Variants in VPS13B observed in about 807,000 individuals in gnomAD.
VPS13B encodes intermembrane lipid transfer protein VPS13B.
Under a neutral mutation model 426.4 loss-of-function variants are expected in VPS13B, and 285 were observed. That is an observed-to-expected ratio of 0.67 (90% CI 0.61 to 0.74). VPS13B has a LOEUF of 0.74. VPS13B is among the 30% of genes least tolerant of loss of function. The probability of loss-of-function intolerance (pLI) is 0.00; values close to 1 mark genes in which losing one functional copy is unlikely to be tolerated. For synonymous variants in VPS13B, 1,676 were observed against 1,676.4 expected, an observed-to-expected ratio of 1.00 and a Z score of 0.01; for missense variants, 4,537 against 4,782.6, an observed-to-expected ratio of 0.95 and a Z score of 1.51.
chr8:99,819,240 A>G (rs1814224914), intron 47 of VPS13B, among the ~76,000 whole-genome samples, 172 bp from the exon 48 acceptor site: 1 of 152,076 alleles, frequency 6.6e-6, no homozygotes, highest in African/African-American at 2.4e-5. Context: ...GGGGTGGGGG[A>G]AGAAAGAGGA....
At chr8:99,486,864 A>G (rs1475553580) in intron 25 of VPS13B, among the ~76,000 whole-genome samples, 4 of 152,094 alleles carry the variant, frequency 2.6e-5, no homozygotes, top group East Asian at 3.9e-4. Context: ...AAGTTTTGCT[A>G]TCGTATTAGA....
At chr8:99,212,970 T>C (rs533188798) in intron 17 of VPS13B, among the ~76,000 whole-genome samples, 1 of 152,310 alleles carries the variant, frequency 6.6e-6, no homozygotes, top group South Asian at 2.1e-4. Context: ...GGATTAGTCT[T>C]AGTAAGTATC....
chr8:99,157,601 A>G (rs1370075771), intron 15 of VPS13B, among the ~76,000 whole-genome samples: 1 of 152,178 alleles, frequency 6.6e-6, no homozygotes, highest in African/African-American at 2.4e-5. Context: ...ACACAACAAT[A>G]TTGAAGTTAG....
At chr8:99,780,171 G>A (rs1340885456) in intron 42 of VPS13B, among the ~76,000 whole-genome samples, 1 of 152,058 alleles carries the variant, frequency 6.6e-6, no homozygotes, top group Non-Finnish European at 1.5e-5. Flanking sequence ...AAGAGCTAGT[G>A]TGATCTAAAT....
intron 54 of VPS13B, among the ~76,000 whole-genome samples, chr8:99,845,455 T>A (rs756876805): frequency 6.6e-6 from 1 of 152,188 alleles, no homozygotes; most frequent in Non-Finnish European, 1.5e-5. Flanking sequence ...GGATCACTCG[T>A]GCATCTGCAT....
intron 39 of VPS13B, among the ~76,000 whole-genome samples, chr8:99,750,938 G>A (rs1810363058): frequency 6.6e-6 from 1 of 152,056 alleles, no homozygotes; most frequent in Non-Finnish European, 1.5e-5. Flanking sequence ...GACAGCTAAA[G>A]GTCTATGTAG....
intron 33 of VPS13B, among the ~76,000 whole-genome samples, chr8:99,631,450 A>T (rs991188119): frequency 6.6e-6 from 1 of 152,114 alleles, no homozygotes; most frequent in Non-Finnish European, 1.5e-5. Flanking sequence ...AAAATTGGGT[A>T]CAGTCGTGAG....
At chr8:99,437,134 G>A (rs1035216049) in intron 22 of VPS13B, among the ~76,000 whole-genome samples, 3 of 152,104 alleles carry the variant, frequency 2.0e-5, no homozygotes, top group African/African-American at 7.2e-5. Context: ...ATAACTTAAA[G>A]GTTTCGAATG....
At chr8:99,028,513 G>C (rs1447727312) in intron 2 of VPS13B, among the ~76,000 whole-genome samples, 1 of 52,512 alleles carries the variant, frequency 1.9e-5, no homozygotes, top group Non-Finnish European at 4.3e-5. Context: ...CTGGCCGGGC[G>C]GGGGGCTGAC....
chr8:99,490,234 C>T (rs1246090153), intron 25 of VPS13B, among the ~76,000 whole-genome samples: 1 of 152,174 alleles, frequency 6.6e-6, no homozygotes, highest in Non-Finnish European at 1.5e-5. Context: ...ACCAGCCTTG[C>T]ATCCCAGGGA....
intron 39 of VPS13B, among the ~76,000 whole-genome samples, chr8:99,732,832 A>T (rs1176990664): frequency 6.6e-6 from 1 of 152,278 alleles, no homozygotes; most frequent in African/African-American, 2.4e-5. Flanking sequence ...CCTTCAAAAA[A>T]GTAAGAGGTG....
chr8:99,141,458 T>C (rs919080195), intron 12 of VPS13B, among the ~76,000 whole-genome samples: 3 of 152,206 alleles, frequency 2.0e-5, no homozygotes, highest in Non-Finnish European at 2.9e-5. Context: ...TTTTGATTTG[T>C]AACCGAAGTT....
At chr8:99,338,721 T>G (rs1811068637) in intron 19 of VPS13B, among the ~76,000 whole-genome samples, 1 of 152,132 alleles carries the variant, frequency 6.6e-6, no homozygotes, top group African/African-American at 2.4e-5. Flanking sequence ...CTCTCAATCG[T>G]TTATATGTTG....
chr8:99,318,952 A>G (rs904302322), intron 19 of VPS13B, among the ~76,000 whole-genome samples: 3 of 152,218 alleles, frequency 2.0e-5, no homozygotes, highest in African/African-American at 4.8e-5. Context: ...TCTCAACCCT[A>G]TCAAATCTAA....
At chr8:99,276,773 A>G (rs1036316831) in intron 19 of VPS13B, among the ~76,000 whole-genome samples, 1 of 152,152 alleles carries the variant, frequency 6.6e-6, no homozygotes, top group Non-Finnish European at 1.5e-5. Flanking sequence ...AGAATTACCC[A>G]TATAGTAATT....
At chr8:99,628,778 T>G (rs926772886) in intron 33 of VPS13B, among the ~76,000 whole-genome samples, 9 of 151,676 alleles carry the variant, frequency 5.9e-5, no homozygotes, top group South Asian at 2.1e-4. Flanking sequence ...GCTATGTGTT[T>G]TTTTTTTTTT....
chr8:99,761,660 C>G (rs896266635), intron 39 of VPS13B, among the ~76,000 whole-genome samples: 1 of 152,118 alleles, frequency 6.6e-6, no homozygotes, highest in Non-Finnish European at 1.5e-5. Flanking sequence ...TCTGTATACC[C>G]TCTCCACCAA....
At chr8:99,066,390 A>C (rs1344228228) in intron 3 of VPS13B, among the ~76,000 whole-genome samples, 2 of 152,200 alleles carry the variant, frequency 1.3e-5, no homozygotes, top group African/African-American at 2.4e-5. Context: ...TGAGAAAAAC[A>C]AGCAATGGGG....
intron 60 of VPS13B, 45 bp from the exon 61 acceptor site, chr8:99,871,403 C>CTT (rs773354024): frequency 1.2e-6 from 2 of 1,613,558 alleles, no homozygotes; most frequent in South Asian, 2.2e-5. Context: ...AAGTGACCAT[C>CTT]TTTTCACAGC....
Sources: gnomAD v4.1 joint callset for allele counts (sites outside exome capture counted in the v4.1 genomes callset) on GRCh38, gnomAD v4.1.1 for gene constraint, MANE v1.5 for transcripts, NCBI Gene and HGNC (gene_info 2026-07-23, HGNC 2026-07-21) for gene names.